Variants in CNGB1 observed in about 807,000 individuals in gnomAD.
CNGB1 encodes the protein cyclic nucleotide-gated channel beta-1.
Under a neutral mutation model 151.7 loss-of-function variants are expected in CNGB1, and 126 were observed. The ratio of observed to expected loss-of-function variants is 0.83; its 90% CI spans 0.72 to 0.96. CNGB1 has a LOEUF of 0.96. Ranked by LOEUF, CNGB1 falls within the 40% of genes least tolerant of loss-of-function variation. CNGB1 has a pLI of 0.00. For missense variants in CNGB1, 1,698 were observed against 1,627.0 expected (o/e 1.04, Z -0.75); for synonymous variants, 623 against 635.1 (o/e 0.98, Z 0.29).
intron 23 of CNGB1, among the ~76,000 whole-genome samples, chr16:57,914,226 C>T (rs1023933940): frequency 1.3e-5 from 2 of 152,150 alleles, no homozygotes; most frequent in Non-Finnish European, 2.9e-5. Context: ...CTCACCTCTG[C>T]GTCTGGGGTG....
In CNGB1 at chr16:57,940,238, T is replaced by C; in HGVS notation, c.1205A>G (p.Asp402Gly). Residue 402 changes from aspartate to glycine, a missense_variant, in exon 15 of 33, where the codon GAT becomes GGT. Physicochemically the swap from Asp to Gly is moderately conservative, Grantham distance 94. Coordinates refer to ENST00000251102, the MANE Select transcript of CNGB1 (RefSeq NM_001297.5). ...AGTGCCTGGTGCTTCTCATACCTGA[T>C]CTGAAGTGCTCTGGGGCCGGGTCCC... is the stretch of plus-strand genomic sequence containing the variant. Reference protein sequence around the residue: ...EDGTRPQSTSDQKLWEEVGEE... With the variant: ...EDGTRPQSTSGQKLWEEVGEE... 6.4e-7 allele frequency: 1 copy of C among 1,565,852 alleles called. No homozygotes were observed. The highest frequency in any genetic ancestry group is 8.7e-7 in the Non-Finnish European group (1 of 1,155,002).
At chr16:57,931,452 G>A (rs1035442486) in intron 17 of CNGB1, among the ~76,000 whole-genome samples, 5 of 152,052 alleles carry the variant, frequency 3.3e-5, no homozygotes, top group South Asian at 2.1e-4. Context: ...ACCGTGCCTC[G>A]CTATTACTAT....
chr16:57,961,190 A>G (rs1392635375), intron 7 of CNGB1, among the ~76,000 whole-genome samples: 1 of 152,216 alleles, frequency 6.6e-6, no homozygotes, highest in Non-Finnish European at 1.5e-5. Context: ...GAGGACCTGA[A>G]TGCAGCCCTG....
intron 12 of CNGB1, among the ~76,000 whole-genome samples, chr16:57,951,201 A>T (rs1016269093): frequency 6.6e-6 from 1 of 152,190 alleles, no homozygotes; most frequent in Non-Finnish European, 1.5e-5. Context: ...TAAGCCTGGC[A>T]GATGCTCAAA....
intron 17 of CNGB1, among the ~76,000 whole-genome samples, chr16:57,928,392 A>T (rs1961251184): frequency 6.6e-6 from 1 of 152,226 alleles, no homozygotes; most frequent in African/African-American, 2.4e-5. Flanking sequence ...CGGCACATGG[A>T]GCTGGAGGAA....
At chr16:57,939,170 C>T (rs1262044062) in intron 16 of CNGB1, among the ~76,000 whole-genome samples, 1 of 152,054 alleles carries the variant, frequency 6.6e-6, no homozygotes, top group Non-Finnish European at 1.5e-5. Context: ...TGGCTGGGAT[C>T]GGGATTTCCC....
chr16:57,939,855 T>G (rs1238184143), intron 15 of CNGB1, among the ~76,000 whole-genome samples: 1 of 152,102 alleles, frequency 6.6e-6, no homozygotes, highest in Admixed American at 6.5e-5. Context: ...GCCTGGCACA[T>G]GGGGGAACAA....
intron 23 of CNGB1, 60 bp downstream of exon 23, chr16:57,915,189 A>G (rs1477614659): frequency 1.5e-6 from 2 of 1,369,446 alleles, no homozygotes; most frequent in Admixed American, 1.7e-5. Context: ...CGAAGATGCC[A>G]GTGTCGGTGC....
At chr16:57,908,774 C>T (rs535617611) in intron 25 of CNGB1, among the ~76,000 whole-genome samples, 154 of 152,344 alleles carry the variant, frequency 1.0e-3, no homozygotes, top group African/African-American at 3.6e-3. Context: ...CCTGCCCACA[C>T]TGCCCTCCCT....
rs776392588 is a variant in CNGB1 at position 57,904,854 on chromosome 16, AAAGTAGT to A, written c.2507_2513del (p.Tyr836LeufsTer3). On this transcript the variant is annotated frameshift_variant, in exon 26 of 33. Transcript: ENST00000251102. LOFTEE classifies it high-confidence loss of function. The stretch of plus-strand genomic sequence containing the variant: ...CGATGGTGATGAGGGTCTTCACAGC[AAAGTAGT>A]AACAGCGAATATAACTGGAGAGAGA... 7 of 1,614,082 alleles carry A rather than the reference AAAGTAGT, an allele frequency of 4.3e-6. No individual in the cohort carries two copies. The highest frequency in any genetic ancestry group is 5.9e-6 in the Non-Finnish European group (7 of 1,180,040).
intron 31 of CNGB1, among the ~76,000 whole-genome samples, chr16:57,890,203 A>G (rs1960050105): frequency 6.6e-6 from 1 of 152,254 alleles, no homozygotes; most frequent in African/African-American, 2.4e-5. Context: ...TGTTTGTTTA[A>G]AAATGAGGCC....
intron 1 of CNGB1, among the ~76,000 whole-genome samples, chr16:57,967,716 CACAT>C: frequency 6.6e-6 from 1 of 151,964 alleles, no homozygotes; most frequent in African/African-American, 2.4e-5. Flanking sequence ...AATATATATA[CACAT>C]ACATATATAT....
chr16:57,939,669 G>A (rs1961611176), intron 15 of CNGB1, 77 bp from the exon 16 acceptor site: 1 of 1,587,014 alleles, frequency 6.3e-7, no homozygotes, highest in South Asian at 1.1e-5. Context: ...TGTTAGATCT[G>A]CCTTCAGAAG....
intron 14 of CNGB1, among the ~76,000 whole-genome samples, chr16:57,940,980 T>C (rs1961653131): frequency 3.3e-5 from 5 of 152,148 alleles, no homozygotes; most frequent in Admixed American, 3.3e-4. Context: ...AGCGAACCCA[T>C]GTCCATTTGA....
intron 8 of CNGB1, 114 bp downstream of exon 8, chr16:57,960,726 C>A: frequency 7.5e-7 from 1 of 1,329,018 alleles, no homozygotes; most frequent in Non-Finnish European, 1.1e-6. Context: ...GGGCATCGCC[C>A]CCTCATGAGT....
At chr16:57,939,355 G>A in intron 16 of CNGB1, 75 bp downstream of exon 16, 1 of 1,601,892 alleles carries the variant, frequency 6.2e-7, no homozygotes, top group East Asian at 2.2e-5. Flanking sequence ...GGTTGCCCCT[G>A]CACGAAGGCT....
chr16:57,913,843 C>T (rs1960795267), intron 23 of CNGB1, among the ~76,000 whole-genome samples: 1 of 152,182 alleles, frequency 6.6e-6, no homozygotes, highest in South Asian at 2.1e-4. Flanking sequence ...TATTATCATT[C>T]TCCTTTGACA....
Position 57,949,379 on chromosome 16 carries a change from C to T in CNGB1, c.1095G>A (p.Glu365=). ...EDEEEEEEEE[E]EEEEEEVTEV... ...CAGTCACCTCCTCCTCTTCCTCCTC[C>T]TCCTCCTCTTCCTCTTCCTCCTCCT... is the stretch of plus-strand genomic sequence containing the variant. Residue 365 remains glutamate, a synonymous_variant, in exon 14 of 33, where the codon GAG becomes GAA. Coordinates refer to ENST00000251102, the MANE Select transcript of CNGB1 (RefSeq NM_001297.5). 1 of 1,612,966 alleles carries T rather than the reference C, an allele frequency of 6.2e-7. No individual in the cohort carries two copies. The highest frequency in any genetic ancestry group is 8.5e-7 in the Non-Finnish European group (1 of 1,179,986).
At chr16:57,964,644 A>T in intron 2 of CNGB1, 100 bp from the exon 3 acceptor site, 1 of 1,126,060 alleles carries the variant, frequency 8.9e-7, no homozygotes, top group Non-Finnish European at 1.3e-6. Flanking sequence ...GCCCCACAAA[A>T]GACCTGAACG....
Sources: allele counts gnomAD v4.1 joint callset (sites outside exome capture counted in the v4.1 genomes callset), GRCh38; gene constraint gnomAD v4.1.1; transcripts MANE v1.5; gene names NCBI Gene and HGNC (gene_info 2026-07-23, HGNC 2026-07-21).